ACTN1: variants seen among roughly 807,000 people sequenced by gnomAD.
The protein encoded by ACTN1 is actinin alpha 1.
ACTN1 carries 30 observed loss-of-function variants against 119.6 expected under a neutral mutation model. The observed-to-expected ratio is 0.25, with a 90% CI of 0.19 to 0.34. ACTN1 has a LOEUF of 0.34. Among genes scored for constraint, ACTN1 ranks in the 10% least tolerant of loss-of-function variants. The pLI, the probability that ACTN1 is intolerant of heterozygous loss-of-function variation, is 1.00. For synonymous variants in ACTN1, 429 were observed against 472.6 expected, an observed-to-expected ratio of 0.91 and a Z score of 1.20; for missense variants, 764 against 1,223.4, an observed-to-expected ratio of 0.62 and a Z score of 5.60.
intron 9 of ACTN1, among the ~76,000 whole-genome samples, chr14:68,893,044 G>A (rs2032616028): frequency 6.6e-6 from 1 of 152,160 alleles, no homozygotes; most frequent in Non-Finnish European, 1.5e-5. Flanking sequence ...TTTAAACCCA[G>A]GCACTTGGGC....
At chr14:68,923,263 C>T (rs77677583) in intron 2 of ACTN1, among the ~76,000 whole-genome samples, 6,259 of 152,010 alleles carry the variant, frequency 0.041, 270 homozygotes, top group African/African-American at 0.1. Flanking sequence ...ACAAGCGAAC[C>T]GAAAATGACT....
At chr14:68,900,651 T>C (rs1454317006) in intron 8 of ACTN1, among the ~76,000 whole-genome samples, 2 of 151,996 alleles carry the variant, frequency 1.3e-5, no homozygotes, top group African/African-American at 4.8e-5. Flanking sequence ...GCCCAGGGCA[T>C]AGGGACAGAG....
At chr14:68,967,366 G>A (rs1884633) in intron 1 of ACTN1, among the ~76,000 whole-genome samples, 45,143 of 152,064 alleles carry the variant, frequency 0.3, 7,919 homozygotes, top group East Asian at 0.87. Context: ...CTGGATACTC[G>A]GTGAATACCT....
At chr14:68,958,324 A>G (rs1274457543) in intron 1 of ACTN1, among the ~76,000 whole-genome samples, 2 of 152,166 alleles carry the variant, frequency 1.3e-5, no homozygotes, top group Non-Finnish European at 2.9e-5. Context: ...ACAGACTACT[A>G]GCAGGGGACT....
intron 2 of ACTN1, among the ~76,000 whole-genome samples, chr14:68,924,398 A>C (rs929051925): frequency 6.6e-6 from 1 of 152,236 alleles, no homozygotes; most frequent in African/African-American, 2.4e-5. Context: ...TCATCTGGGG[A>C]GAGCTGCACG....
intron 1 of ACTN1, among the ~76,000 whole-genome samples, chr14:68,971,152 A>C (rs1224355279): frequency 1.3e-5 from 2 of 152,196 alleles, no homozygotes; most frequent in Non-Finnish European, 2.9e-5. Context: ...AATCTGCCTA[A>C]TCTTGGTCAA....
At chr14:68,931,556 G>A (rs189106447) in intron 1 of ACTN1, among the ~76,000 whole-genome samples, 150 of 152,156 alleles carry the variant, frequency 9.9e-4, no homozygotes, top group Admixed American at 1.9e-3. Context: ...CCAGTGGTGA[G>A]GAATGGTGAG....
rs888782629 is a variant in ACTN1, at chr14:68,878,276, C to T, written c.2427+182G>A. 56 of 801,910 alleles carry T rather than the reference C, an allele frequency of 7.0e-5. No individual in the cohort carries two copies. Among genetic ancestry groups the T allele is most frequent in the Non-Finnish European group, 9.9e-5 (53 of 534,288 alleles). 49.7% of individuals were successfully genotyped at this position (801,910 alleles called of 1,614,324 possible). On this transcript the variant is annotated intron_variant, in intron 20 of 21. Coordinates refer to ENST00000394419, the MANE Select transcript of ACTN1 (RefSeq NM_001130004.2). The surrounding 1 kb of genome is among the most constrained non-coding windows in gnomAD (Gnocchi z 4.4). ...GGAGGTCAGGCCTCCCGGATACACA[C>T]ACGCCCGTGGCCGGGCCGGCTTTCA...
chr14:68,908,010 C>T (rs546567762), intron 6 of ACTN1, among the ~76,000 whole-genome samples: 111 of 146,962 alleles, frequency 7.6e-4, no homozygotes, highest in African/African-American at 2.4e-3. Flanking sequence ...GGAAGGTTCT[C>T]TTTTTTTTTT....
Position 68,879,368 on chromosome 14 carries a change from C to G in ACTN1, c.2281-299G>C, listed in dbSNP as rs1174629529. 1.3e-5 allele frequency among the ~76,000 whole-genome samples: 2 copies of G among 152,038 alleles called. No homozygotes were observed. Among genetic ancestry groups the G allele is most frequent in the South Asian group, 2.1e-4 (1 of 4,832 alleles). On this transcript the variant is annotated intron_variant, in intron 18 of 21. Coordinates refer to ENST00000394419, the MANE Select transcript of ACTN1 (RefSeq NM_001130004.2). The surrounding 1 kb of genome is among the most constrained non-coding windows in gnomAD (Gnocchi z 4.9). ...TCCCTCAGAAGTGACCCAGCCCCCC[C>G]GCTTCCCCAGGGGCTTCCCCCCAGG...
chr14:68,941,469 G>A (rs2035760181), intron 1 of ACTN1, among the ~76,000 whole-genome samples: 1 of 152,146 alleles, frequency 6.6e-6, no homozygotes, highest in African/African-American at 2.4e-5. Flanking sequence ...AACGGATTTG[G>A]GCACAGAAGA....
intron 3 of ACTN1, among the ~76,000 whole-genome samples, chr14:68,912,551 A>AT (rs1357483651): frequency 6.6e-6 from 1 of 151,762 alleles, no homozygotes; most frequent in Non-Finnish European, 1.5e-5. Flanking sequence ...TAATTTTTTC[A>AT]TTTTTTGTAG....
At chr14:68,904,509 G>A in intron 7 of ACTN1, 146 bp downstream of exon 7, 2 of 635,800 alleles carry the variant, frequency 3.1e-6, no homozygotes, top group Non-Finnish European at 5.6e-6. Context: ...TCCCCAAGAG[G>A]CTGTGATCCC....
At chr14:68,944,528 G>A (rs941988401) in intron 1 of ACTN1, among the ~76,000 whole-genome samples, 2 of 152,324 alleles carry the variant, frequency 1.3e-5, no homozygotes, top group Non-Finnish European at 2.9e-5. Flanking sequence ...CATGGAGCCT[G>A]CAGTCTAATG....
In ACTN1 at chr14:68,923,982, G is replaced by A. The variant is rs928158404; in HGVS notation, c.220+1576C>T. ...GCACATGCTCCAACATGGATGAACC[G>A]TGAAGACACAGTAAGTGAAATAAAC... On this transcript the variant is annotated intron_variant, in intron 2 of 21. Transcript: ENST00000394419. Among the ~76,000 whole-genome samples, 5 of 152,228 alleles carry A rather than the reference G, an allele frequency of 3.3e-5. No homozygotes were observed. In the East Asian group the frequency reaches 7.7e-4, roughly 23 times the overall value.
chr14:68,954,315 AATTTATTT>A (rs377224619), intron 1 of ACTN1, among the ~76,000 whole-genome samples: 2 of 151,722 alleles, frequency 1.3e-5, no homozygotes, highest in African/African-American at 4.8e-5. Flanking sequence ...ACACACAGAG[AATTTATTT>A]ATTTATTTAT....
At chr14:68,948,303 C>T (rs536659065) in intron 1 of ACTN1, among the ~76,000 whole-genome samples, 4 of 152,178 alleles carry the variant, frequency 2.6e-5, no homozygotes, top group Non-Finnish European at 5.9e-5. Flanking sequence ...TGGCTGGGTG[C>T]GGTGGGCTCA....
intron 1 of ACTN1, among the ~76,000 whole-genome samples, chr14:68,941,877 G>A (rs2035771633): frequency 6.6e-6 from 1 of 152,080 alleles, no homozygotes; most frequent in African/African-American, 2.4e-5. Flanking sequence ...CAACCTCTCT[G>A]ACTCAGTCAA....
Position 68,925,705 on chromosome 14 carries a change from G to C in ACTN1, c.106-33C>G. On this transcript the variant is annotated intron_variant, in intron 1 of 21. Transcript: ENST00000394419. The surrounding 1 kb of genome is among the most constrained non-coding windows in gnomAD (Gnocchi z 4.3). ...GAGACAAGAAGGGCAAGTGGTCAGG[G>C]GGCTGGTGTTGTCACCCTCATTGGA... The C allele has an allele frequency of 6.3e-7, 1 of 1,576,206 alleles. No individual in the cohort carries two copies.
Sources: allele counts gnomAD v4.1 joint callset (sites outside exome capture counted in the v4.1 genomes callset), GRCh38; gene constraint gnomAD v4.1.1; non-coding constraint Gnocchi (gnomAD v3.1); transcripts MANE v1.5; gene names NCBI Gene and HGNC (gene_info 2026-07-23, HGNC 2026-07-21).